PTGES3: variants seen among roughly 807,000 people sequenced by gnomAD.
PTGES3 encodes prostaglandin E synthase 3.
In PTGES3, 5 loss-of-function variants were observed where a neutral mutation model predicts 29.9. The ratio of observed to expected loss-of-function variants is 0.17; its 90% confidence interval spans 0.09 to 0.35. The LOEUF is 0.35. PTGES3 is among the 10% of genes least tolerant of loss of function. The probability of loss-of-function intolerance (pLI) is 1.00; values close to 1 mark genes in which losing one functional copy is unlikely to be tolerated. For synonymous variants in PTGES3, 49 were observed against 57.8 expected, an observed-to-expected ratio of 0.85 and a Z score of 0.69; for missense variants, 128 against 190.0, an observed-to-expected ratio of 0.67 and a Z score of 1.92.
intron 1 of PTGES3, among the ~76,000 whole-genome samples, chr12:56,677,515 C>G (rs370962654): frequency 1.3e-5 from 2 of 151,996 alleles, no homozygotes; most frequent in Admixed American, 1.3e-4. Context: ...ATTGGAAAAA[C>G]GAATTTACAT....
intron 1 of PTGES3, among the ~76,000 whole-genome samples, chr12:56,683,473 C>CAAAAAAA (rs71081388): frequency 0.028 from 820 of 29,736 alleles, 201 homozygotes; most frequent in Non-Finnish European, 0.035. Flanking sequence ...AACTCTGTCT[C>CAAAAAAA]AAAAAAAAAA....
chr12:56,672,907 G>A, intron 2 of PTGES3, 45 bp downstream of exon 2: 1 of 1,560,420 alleles, frequency 6.4e-7, no homozygotes, highest in Non-Finnish European at 8.7e-7. Flanking sequence ...TTATTCAGTT[G>A]TGTGAATGAC....
At position 56,670,127 on chromosome 12, in the gene PTGES3, CATCT is replaced by C. The variant is rs1356674224; in HGVS notation, c.375+144_375+147del. On this transcript the variant is annotated intron_variant, in intron 5 of 7. Transcript: ENST00000262033. ...TCAGGATTAAAATTGCCATTGTTAA[CATCT>C]ATTTACTATGACTGCAAAATGGTCT... is the stretch of plus-strand genomic sequence containing the variant. 3 of 580,254 alleles carry C rather than the reference CATCT, an allele frequency of 5.2e-6. No individual in the cohort carries two copies. In the African/African-American group the frequency reaches 5.6e-5, roughly 11 times the overall value. The allele number at this position is 580,254 out of a possible 1,614,324, so 35.9% of individuals were successfully genotyped here.
chr12:56,680,938 C>T (rs933079760), intron 1 of PTGES3, among the ~76,000 whole-genome samples: 1 of 151,700 alleles, frequency 6.6e-6, no homozygotes, highest in African/African-American at 2.4e-5. Flanking sequence ...CTACCACACA[C>T]CCAGGTTATT....
chr12:56,671,479 T>C (rs1952003317), intron 4 of PTGES3, among the ~76,000 whole-genome samples: 1 of 152,192 alleles, frequency 6.6e-6, no homozygotes, highest in Non-Finnish European at 1.5e-5. Context: ...CAGTTGATTA[T>C]TTTTTCACCA....
rs772799265 is a variant in PTGES3, at chr12:56,671,860, G to A, written c.187-13C>T. On this transcript the variant is annotated splice_polypyrimidine_tract_variant and intron_variant, in intron 3 of 7. Transcript: ENST00000262033. ...TATGCTTGGAATCCTAAAAACAAAAGGACCATCATACCATTTATCTTTCCA... is the reference window on the plus strand; with the variant it reads ...TATGCTTGGAATCCTAAAAACAAAAAGACCATCATACCATTTATCTTTCCA... 4 of 1,446,882 alleles carry A rather than the reference G, an allele frequency of 2.8e-6. No homozygotes were observed. In the South Asian group the frequency reaches 4.0e-5, roughly 14 times the overall value. 89.6% of individuals were successfully genotyped at this position (1,446,882 alleles called of 1,614,324 possible).
chr12:56,670,485 T>G, intron 4 of PTGES3, 121 bp from the exon 5 acceptor site: 2 of 696,036 alleles, frequency 2.9e-6, no homozygotes, highest in Non-Finnish European at 5.0e-6. Context: ...CAGGCTGGAG[T>G]GCAGCAAGCA....
At chr12:56,665,344 A>AG (rs1951745114) in intron 6 of PTGES3, 1 of 948,500 alleles carries the variant, frequency 1.1e-6, no homozygotes, top group South Asian at 4.9e-5. Flanking sequence ...CACCCAGGCT[A>AG]CAGTGCAGTG....
Position 56,664,045 on chromosome 12 carries a change from G to A in PTGES3, c.*434C>T, listed in dbSNP as rs994425382. ...ACACCAGAAGAATAGCAGGTTACCA[G>A]TAAGGTGTCAGCCAATTTGTTCCAG... On this transcript the variant is annotated 3_prime_UTR_variant, in exon 8 of 8. Coordinates refer to ENST00000262033, the MANE Select transcript of PTGES3 (RefSeq NM_006601.7). 1 of 155,550 alleles carries A rather than the reference G, an allele frequency of 6.4e-6. No homozygotes were observed. Among genetic ancestry groups the A allele is most frequent in the South Asian group, 1.9e-4 (1 of 5,304 alleles). The allele number at this position is 155,550 out of a possible 1,614,324, so 9.6% of individuals were successfully genotyped here. A position where few individuals can be genotyped will look rare whatever the true frequency, so the allele number is the denominator to read the frequency against.
chr12:56,680,465 A>C (rs1952480817), intron 1 of PTGES3, among the ~76,000 whole-genome samples: 1 of 151,614 alleles, frequency 6.6e-6, no homozygotes, highest in Non-Finnish European at 1.5e-5. Flanking sequence ...GCCTCTCTGC[A>C]ACCCCTGCTT....
intron 1 of PTGES3, chr12:56,687,302 C>T: frequency 1.0e-6 from 1 of 991,094 alleles, no homozygotes; most frequent in African/African-American, 1.7e-5. Flanking sequence ...AAAGTCGACA[C>T]GTGCGGAACT....
In PTGES3 at chr12:56,664,816, T is replaced by C. The variant is rs1232699458; in HGVS notation, c.439-16A>G. The C allele has an allele frequency of 2.5e-6, 4 of 1,597,552 alleles. No individual in the cohort carries two copies. The highest frequency in any genetic ancestry group is 1.3e-5 in the African/African-American group (1 of 74,170). On this transcript the variant is annotated splice_polypyrimidine_tract_variant and intron_variant, in intron 6 of 7. Transcript: ENST00000262033. ...CTTGTGAATCCTGAAAGAGGGAAAA[T>C]AAAGTTACCGAGCTGATCAAATATT...
chr12:56,666,194 T>TTA lies in PTGES3; in HGVS notation c.438+8_438+9dup. 1 of 1,603,672 alleles carries TTA rather than the reference T, an allele frequency of 6.2e-7. No homozygotes were observed. The highest frequency in any genetic ancestry group is 8.5e-7 in the Non-Finnish European group (1 of 1,175,846). ...TGAAAGTAAACAGAAAAAAGAATTT[T>TTA]TAGACTTACATCATCTGCTCCATCT... On this transcript the variant is annotated intron_variant, in intron 6 of 7. Coordinates refer to ENST00000262033, the MANE Select transcript of PTGES3 (RefSeq NM_006601.7).
At chr12:56,683,342 G>A (rs985949306) in intron 1 of PTGES3, among the ~76,000 whole-genome samples, 7 of 151,296 alleles carry the variant, frequency 4.6e-5, no homozygotes, top group Admixed American at 2.6e-4. Context: ...GCATGGTGGC[G>A]CATGCCTGTG....
rs895224702 is a variant in PTGES3, at chr12:56,666,358, C to T, written c.376-92G>A. The T allele has an allele frequency of 1.8e-5, 26 of 1,421,920 alleles. 1 individual carries two copies. Among genetic ancestry groups the T allele is most frequent in the Non-Finnish European group, 2.4e-5 (26 of 1,077,048 alleles). 88.1% of individuals were successfully genotyped at this position (1,421,920 alleles called of 1,614,324 possible). On this transcript the variant is annotated intron_variant, in intron 5 of 7. Transcript: ENST00000262033. ...TGCTTCAGAATAAACCTTAAGTCTG[C>T]CACAGATATCAAAAAATGCAAAATG...
At chr12:56,685,910 G>A (rs1191110949) in intron 1 of PTGES3, among the ~76,000 whole-genome samples, 5 of 151,048 alleles carry the variant, frequency 3.3e-5, no homozygotes, top group South Asian at 4.2e-4. Context: ...CGGAGTAGCT[G>A]GGACTACAGG....
At chr12:56,671,913 G>T in intron 3 of PTGES3, 66 bp from the exon 4 acceptor site, 2 of 945,860 alleles carry the variant, frequency 2.1e-6, no homozygotes, top group Non-Finnish European at 3.0e-6. Flanking sequence ...AAAATAGCTT[G>T]TCATTTCTCA....
intron 1 of PTGES3, among the ~76,000 whole-genome samples, chr12:56,679,392 G>C (rs1206281742): frequency 8.5e-6 from 1 of 118,156 alleles, no homozygotes; most frequent in East Asian, 2.7e-4. Context: ...CTGGGCAACA[G>C]AGTGAGACTC....
chr12:56,675,237 T>A (rs1377968383), intron 1 of PTGES3, among the ~76,000 whole-genome samples: 1 of 151,266 alleles, frequency 6.6e-6, no homozygotes, highest in African/African-American at 2.4e-5. Context: ...GAGGTAGAGG[T>A]TGCAGCGAGC....
Sources: gnomAD v4.1 joint callset for allele counts (sites outside exome capture counted in the v4.1 genomes callset) on GRCh38, gnomAD v4.1.1 for gene constraint, MANE v1.5 for transcripts, NCBI Gene and HGNC (gene_info 2026-07-23, HGNC 2026-07-21) for gene names.